Variants in N4BP1 observed in about 807,000 individuals in gnomAD.
N4BP1 encodes the protein NEDD4 binding protein 1.
In N4BP1, 21 loss-of-function variants were observed where a neutral mutation model predicts 70.9. The observed-to-expected ratio is 0.30, with a 90% CI of 0.21 to 0.43. The LOEUF is 0.43. Among genes scored for constraint, N4BP1 ranks in the 20% least tolerant of loss-of-function variants. N4BP1 has a pLI of 1.00. For synonymous variants in N4BP1, 387 were observed against 394.6 expected (o/e 0.98, Z 0.23); for missense variants, 936 against 1,069.4 (o/e 0.88, Z 1.74).
In N4BP1 at chr16:48,562,406, T is replaced by C; in HGVS notation, c.237A>G (p.Glu79=). ...GCATGTCCTTGGGGTAACATTCTCT[T>C]TCTTCTAGTTCAGGTTCACAGATTC... ...IKGICEPELE[E]RECYPKDMHC... is the part of the protein sequence containing the mutation. The change falls in exon 2 of 7, where the codon GAA becomes GAG. Residue 79 remains glutamate, a synonymous_variant. Transcript: ENST00000262384. 6.2e-7 allele frequency: 1 copy of C among 1,612,036 alleles called. No individual in the cohort carries two copies. The highest frequency in any genetic ancestry group is 1.1e-5 in the South Asian group (1 of 90,616).
intron 1 of N4BP1, among the ~76,000 whole-genome samples, chr16:48,606,808 CATCTT>C (rs1207418526): frequency 3.3e-5 from 5 of 152,178 alleles, no homozygotes; most frequent in Admixed American, 6.5e-5. Flanking sequence ...CAAGACAGTT[CATCTT>C]ATCTTATTTT....
At chr16:48,600,455 G>A in intron 1 of N4BP1, 1 of 625,832 alleles carries the variant, frequency 1.6e-6, no homozygotes, top group Non-Finnish European at 3.0e-6. Flanking sequence ...CAGTTGAAGA[G>A]ATCAAACAGA....
intron 1 of N4BP1, among the ~76,000 whole-genome samples, chr16:48,606,149 G>A (rs1435537300): frequency 1.3e-5 from 2 of 152,096 alleles, no homozygotes; most frequent in Non-Finnish European, 2.9e-5. Context: ...AAATGTTGAT[G>A]AGCTGGTGGC....
At chr16:48,606,119 G>A (rs760097438) in intron 1 of N4BP1, among the ~76,000 whole-genome samples, 37 of 152,078 alleles carry the variant, frequency 2.4e-4, no homozygotes, top group Non-Finnish European at 4.1e-4. Flanking sequence ...ACACTCCCTG[G>A]CACCAGAGAA....
At chr16:48,603,351 T>C (rs1964531287) in intron 1 of N4BP1, among the ~76,000 whole-genome samples, 1 of 151,850 alleles carries the variant, frequency 6.6e-6, no homozygotes, top group African/African-American at 2.4e-5. Flanking sequence ...TTTAGGGCAC[T>C]GGCTAGGCCT....
At chr16:48,595,418 C>A (rs1251013950) in intron 1 of N4BP1, among the ~76,000 whole-genome samples, 1 of 129,368 alleles carries the variant, frequency 7.7e-6, no homozygotes, top group Non-Finnish European at 1.5e-5. Context: ...GATCACACCA[C>A]TGCACTCAAG....
At chr16:48,558,085 T>C (rs1963783703) in intron 2 of N4BP1, among the ~76,000 whole-genome samples, 1 of 152,134 alleles carries the variant, frequency 6.6e-6, no homozygotes, top group African/African-American at 2.4e-5. Flanking sequence ...TGTTTGTCAC[T>C]CCAAAATAAA....
chr16:48,543,999 C>A (rs556001663), intron 6 of N4BP1, among the ~76,000 whole-genome samples: 1 of 152,186 alleles, frequency 6.6e-6, no homozygotes, highest in Non-Finnish European at 1.5e-5. Context: ...GGAGCAGGAG[C>A]AAGCAGAGGA....
chr16:48,543,823 A>C (rs539052136), intron 6 of N4BP1, among the ~76,000 whole-genome samples: 78 of 152,282 alleles, frequency 5.1e-4, no homozygotes, highest in Non-Finnish European at 9.6e-4. Context: ...GCGAGAAATG[A>C]GGCTAGCTGA....
At chr16:48,587,173 C>T (rs1964257808) in intron 1 of N4BP1, 1 of 152,196 alleles carries the variant, frequency 6.6e-6, no homozygotes. Context: ...GGATGACAGT[C>T]CGAGAGTCTT....
chr16:48,555,908 G>C (rs530121104), intron 2 of N4BP1, among the ~76,000 whole-genome samples: 65 of 152,334 alleles, frequency 4.3e-4, no homozygotes, highest in Non-Finnish European at 8.7e-4. Context: ...TACTTTGACA[G>C]ATACAAATGT....
intron 1 of N4BP1, among the ~76,000 whole-genome samples, chr16:48,595,804 C>A (rs1964403789): frequency 6.6e-6 from 1 of 152,206 alleles, no homozygotes; most frequent in African/African-American, 2.4e-5. Flanking sequence ...CTTGTCTATG[C>A]AGTACCTGTA....
intron 1 of N4BP1, among the ~76,000 whole-genome samples, chr16:48,598,103 T>C (rs1160132430): frequency 6.6e-6 from 1 of 152,202 alleles, no homozygotes; most frequent in Non-Finnish European, 1.5e-5. Context: ...GTGCATGCCA[T>C]ATGAGACTGG....
At chr16:48,573,959 G>A (rs896073424) in intron 1 of N4BP1, among the ~76,000 whole-genome samples, 3 of 152,164 alleles carry the variant, frequency 2.0e-5, no homozygotes, top group African/African-American at 4.8e-5. Context: ...AGCTGAGGAG[G>A]AGGGGGATTG....
At chr16:48,551,364 G>A (rs1963663021) in intron 4 of N4BP1, 22 bp downstream of exon 4, 1 of 1,602,504 alleles carries the variant, frequency 6.2e-7, no homozygotes, top group African/African-American at 1.3e-5. Context: ...CCAACCTTAG[G>A]AAGGAGAATG....
At chr16:48,546,282 G>C (rs763646212) in intron 5 of N4BP1, 28 bp from the exon 6 acceptor site, 2 of 1,523,676 alleles carry the variant, frequency 1.3e-6, no homozygotes, top group South Asian at 2.4e-5. Flanking sequence ...ATGAGGCTGA[G>C]AGACAGGGTC....
Position 48,543,920 on chromosome 16 carries a change from C to T in N4BP1, c.2334-659G>A, listed in dbSNP as rs1324508364. On this transcript the variant is annotated intron_variant, in intron 6 of 6. Transcript: ENST00000262384. ...CCAACTTCTTAACCGATTTCTGAGC[C>T]GCTCCACAAAGAGCCACCAAGTGAG... Among the ~76,000 whole-genome samples the T allele has an allele frequency of 5.3e-5, 8 of 152,250 alleles. No homozygotes were observed. In the South Asian group the frequency reaches 1.0e-3, roughly 20 times the overall value.
intron 1 of N4BP1, among the ~76,000 whole-genome samples, chr16:48,572,429 AG>A (rs986386852): frequency 3.9e-5 from 6 of 152,064 alleles, no homozygotes; most frequent in East Asian, 3.9e-4. Flanking sequence ...ATGATGGGGG[AG>A]GGGGGACAGG....
chr16:48,576,182 A>C (rs967079332), intron 1 of N4BP1, among the ~76,000 whole-genome samples: 1 of 152,192 alleles, frequency 6.6e-6, no homozygotes, highest in Non-Finnish European at 1.5e-5. Context: ...AAAAAAAACA[A>C]ATTTTTAATC....
Sources: allele counts gnomAD v4.1 joint callset (sites outside exome capture counted in the v4.1 genomes callset), GRCh38; gene constraint gnomAD v4.1.1; transcripts MANE v1.5; gene names NCBI Gene and HGNC (gene_info 2026-07-23, HGNC 2026-07-21).